The following DNAJC8 variants were observed in gnomAD, a reference collection of about 807,000 sequenced individuals.
DNAJC8 encodes DnaJ heat shock protein family (Hsp40) member C8.
A neutral mutation model predicts 43.2 loss-of-function variants in DNAJC8; 24 were observed. The ratio of observed to expected loss-of-function variants is 0.56; its 90% CI spans 0.40 to 0.78. DNAJC8 has a LOEUF of 0.78. DNAJC8 is among the 30% of genes least tolerant of loss of function. The probability of loss-of-function intolerance (pLI) is 0.00; values close to 1 mark genes in which losing one functional copy is unlikely to be tolerated. For missense variants in DNAJC8, 207 were observed against 299.4 expected, an observed-to-expected ratio of 0.69 and a Z score of 2.28; for synonymous variants, 83 against 98.0, an observed-to-expected ratio of 0.85 and a Z score of 0.90.
rs1646990178 is a variant in DNAJC8 at position 28,232,852 on chromosome 1, C to T, written c.78+69G>A. On this transcript the variant is annotated intron_variant, in intron 1 of 8. Transcript: ENST00000263697. ...ACGGTCCAGGCCAGGCGGCCACTGC[C>T]TTTGTCCACTGGGAAAGCAGATCCG... The T allele has an allele frequency of 3.2e-6, 5 of 1,559,790 alleles. No individual in the cohort carries two copies. The South Asian group carries it at 5.6e-5, about 17-fold the overall frequency.
intron 1 of DNAJC8, 93 bp downstream of exon 1, chr1:28,232,828 C>A: frequency 4.4e-6 from 6 of 1,374,928 alleles, no homozygotes; most frequent in Non-Finnish European, 6.1e-6. Flanking sequence ...AATCGCCCAA[C>A]GGTCCAGGCC....
chr1:28,227,382 T>A, intron 2 of DNAJC8, among the ~76,000 whole-genome samples: 1 of 137,760 alleles, frequency 7.3e-6, no homozygotes, highest in Admixed American at 7.6e-5. Context: ...CACTCCAGCT[T>A]AGGTGACAGA....
At chr1:28,231,913 G>A (rs1476188718) in intron 1 of DNAJC8, among the ~76,000 whole-genome samples, 2 of 151,596 alleles carry the variant, frequency 1.3e-5, no homozygotes, top group Non-Finnish European at 2.9e-5. Context: ...GACTACAGGC[G>A]CCCACTACCA....
chr1:28,202,263 TG>T (rs1646739491), intron 8 of DNAJC8, among the ~76,000 whole-genome samples: 1 of 152,052 alleles, frequency 6.6e-6, no homozygotes, highest in Non-Finnish European at 1.5e-5. Context: ...ACGTTTAACA[TG>T]GTTTTTTTTG....
chr1:28,201,452 C>G, intron 8 of DNAJC8, 82 bp from the exon 9 acceptor site: 1 of 1,589,586 alleles, frequency 6.3e-7, no homozygotes, highest in Non-Finnish European at 8.6e-7. Flanking sequence ...CACTCACCCT[C>G]CTGTAGCCCA....
intron 3 of DNAJC8, among the ~76,000 whole-genome samples, chr1:28,213,440 C>T (rs181556781): frequency 2.0e-5 from 3 of 151,566 alleles, no homozygotes; most frequent in African/African-American, 4.8e-5. Flanking sequence ...GATATGATTA[C>T]GTAGACCAAG....
At chr1:28,228,265 C>T (rs1646951100) in intron 2 of DNAJC8, among the ~76,000 whole-genome samples, 1 of 144,944 alleles carries the variant, frequency 6.9e-6, no homozygotes, top group Admixed American at 7.2e-5. Flanking sequence ...AGGAGAATTG[C>T]TTGAACCTGG....
At chr1:28,215,029 G>A (rs1646841446) in intron 2 of DNAJC8, 33 bp from the exon 3 acceptor site, 2 of 1,569,630 alleles carry the variant, frequency 1.3e-6, no homozygotes, top group African/African-American at 2.7e-5. Flanking sequence ...CATAAAAAAG[G>A]TGAAAATAAA....
At chr1:28,217,870 A>T (rs1221805117) in intron 2 of DNAJC8, among the ~76,000 whole-genome samples, 1 of 151,872 alleles carries the variant, frequency 6.6e-6, no homozygotes, top group Non-Finnish European at 1.5e-5. Flanking sequence ...TTACAACATG[A>T]TGTTATGGGA....
rs944472320 is a variant in DNAJC8 at position 28,201,173 on chromosome 1, G to C, written c.*75C>G. 3.8e-6 allele frequency: 6 copies of C among 1,594,576 alleles called. No individual in the cohort carries two copies. The African/African-American group carries it at 6.8e-5, about 18-fold the overall frequency. Reference sequence around the variant, plus strand: ...ACTACTCTATGTTGGGGTGGAAGTGGGAGGAAAGAATGAGTCCTTCGAAGC... The same window carrying C: ...ACTACTCTATGTTGGGGTGGAAGTGCGAGGAAAGAATGAGTCCTTCGAAGC... On this transcript the variant is annotated 3_prime_UTR_variant, in exon 9 of 9. Transcript: ENST00000263697.
intron 8 of DNAJC8, among the ~76,000 whole-genome samples, chr1:28,202,584 T>C (rs866142958): frequency 9.6e-6 from 1 of 104,154 alleles, no homozygotes; most frequent in Non-Finnish European, 2.0e-5. Flanking sequence ...CGGCCTTTTT[T>C]TTTCTTTTTT....
chr1:28,210,188 C>A (rs1344703449), intron 4 of DNAJC8, 122 bp from the exon 5 acceptor site: 4 of 813,794 alleles, frequency 4.9e-6, no homozygotes, highest in East Asian at 5.3e-5. Flanking sequence ...TATTTACTGT[C>A]GTTAAACTAA....
chr1:28,221,288 G>A (rs762937198), intron 2 of DNAJC8, among the ~76,000 whole-genome samples: 3 of 152,006 alleles, frequency 2.0e-5, no homozygotes, highest in African/African-American at 4.8e-5. Flanking sequence ...GCAGTAAGCC[G>A]AGATCGTGCC....
chr1:28,214,898 C>A, intron 3 of DNAJC8, 42 bp downstream of exon 3: 3 of 1,531,800 alleles, frequency 2.0e-6, no homozygotes, highest in Non-Finnish European at 2.7e-6. Flanking sequence ...TCATGTGCTT[C>A]ATACATTTTC....
At chr1:28,211,270 A>T (rs1262450687) in intron 3 of DNAJC8, among the ~76,000 whole-genome samples, 1 of 152,208 alleles carries the variant, frequency 6.6e-6, no homozygotes. Flanking sequence ...AGTTCCTATT[A>T]TGTTCCTTAT....
At chr1:28,218,614 G>T (rs1232084462) in intron 2 of DNAJC8, among the ~76,000 whole-genome samples, 1 of 151,734 alleles carries the variant, frequency 6.6e-6, no homozygotes, top group East Asian at 1.9e-4. Context: ...TTTAGAGATG[G>T]GGTCTCCCTG....
At chr1:28,211,705 T>C (rs1156953400) in intron 3 of DNAJC8, among the ~76,000 whole-genome samples, 2 of 152,158 alleles carry the variant, frequency 1.3e-5, no homozygotes, top group Non-Finnish European at 2.9e-5. Flanking sequence ...TTTCAGATGA[T>C]CGTAGGGAAT....
At chr1:28,213,750 G>A (rs1221992629) in intron 3 of DNAJC8, among the ~76,000 whole-genome samples, 1 of 152,214 alleles carries the variant, frequency 6.6e-6, no homozygotes, top group East Asian at 1.9e-4. Flanking sequence ...AGGCACGGTG[G>A]CTCATGCCTG....
rs1371130166 is a variant in DNAJC8 at position 28,232,833 on chromosome 1, C to T, written c.78+88G>A. On this transcript the variant is annotated intron_variant, in intron 1 of 8. Coordinates refer to ENST00000263697, the MANE Select transcript of DNAJC8 (RefSeq NM_014280.3). ...GGACTGAAGGAATCGCCCAACGGTC[C>T]AGGCCAGGCGGCCACTGCCTTTGTC... The T allele has an allele frequency of 2.8e-6, 4 of 1,443,610 alleles. No individual in the cohort carries two copies. The Admixed American group carries it at 6.9e-5, about 25-fold the overall frequency. 89.4% of individuals were successfully genotyped at this position (1,443,610 alleles called of 1,614,324 possible).
Sources: gnomAD v4.1 joint callset for allele counts (sites outside exome capture counted in the v4.1 genomes callset) on GRCh38, gnomAD v4.1.1 for gene constraint, MANE v1.5 for transcripts, NCBI Gene and HGNC (gene_info 2026-07-23, HGNC 2026-07-21) for gene names.